The following NKAIN2 variants were observed in gnomAD, a reference collection of about 807,000 sequenced individuals.
NKAIN2 encodes the protein sodium/potassium transporting ATPase interacting 2, also known as sodium/potassium-transporting ATPase subunit beta-1-interacting protein 2.
A neutral mutation model predicts 32.6 loss-of-function variants in NKAIN2; 14 were observed. That is an observed-to-expected ratio of 0.43 (90% CI 0.28 to 0.67). NKAIN2 has a LOEUF of 0.67. NKAIN2 is among the 30% of genes least tolerant of loss of function. The pLI, the probability that NKAIN2 is intolerant of heterozygous loss-of-function variation, is 0.17. For missense variants in NKAIN2, 198 were observed against 258.3 expected, an observed-to-expected ratio of 0.77 and a Z score of 1.60; for synonymous variants, 80 against 87.2, an observed-to-expected ratio of 0.92 and a Z score of 0.46.
intron 2 of NKAIN2, among the ~76,000 whole-genome samples, chr6:124,337,370 G>A (rs939030612): frequency 6.6e-6 from 1 of 152,090 alleles, no homozygotes; most frequent in Non-Finnish European, 1.5e-5. Flanking sequence ...AGCCAGGCAT[G>A]GCTGTACACA....
intron 1 of NKAIN2, among the ~76,000 whole-genome samples, chr6:124,213,550 A>G (rs1298158770): frequency 3.3e-5 from 5 of 152,106 alleles, no homozygotes; most frequent in East Asian, 1.9e-4. Flanking sequence ...AAGAGTTTAG[A>G]TAAGTTATAA....
chr6:124,414,017 G>GT lies in NKAIN2; in HGVS notation c.273+58673dup, dbSNP rs1351908841. On this transcript the variant is annotated intron_variant, in intron 3 of 6. Transcript: ENST00000368417. ...TCTGTTGAACCTGAATACTTTGTTC[G>GT]TTTGTTTTTTTTTTTAATTACATTG... Among the ~76,000 whole-genome samples, 8 of 135,198 alleles carry GT rather than the reference G, an allele frequency of 5.9e-5. No homozygotes were observed. The East Asian group carries it at 6.7e-4, about 11-fold the overall frequency. 88.7% of individuals were successfully genotyped at this position (135,198 alleles called of 152,430 possible). A position where few individuals can be genotyped will look rare whatever the true frequency, so the allele number is the denominator to read the frequency against.
At chr6:124,366,939 A>C (rs1799543152) in intron 3 of NKAIN2, among the ~76,000 whole-genome samples, 1 of 152,072 alleles carries the variant, frequency 6.6e-6, no homozygotes, top group South Asian at 2.1e-4. Context: ...AAAAAAAAAA[A>C]AAAAAGTAAT....
chr6:124,285,185 T>C (rs1795479484), intron 2 of NKAIN2, among the ~76,000 whole-genome samples: 1 of 152,202 alleles, frequency 6.6e-6, no homozygotes, highest in African/African-American at 2.4e-5. Context: ...CCTGAGACAA[T>C]GTCTTTGGAA....
intron 1 of NKAIN2, among the ~76,000 whole-genome samples, chr6:124,217,814 C>T (rs1791564995): frequency 6.6e-6 from 1 of 151,940 alleles, no homozygotes; most frequent in East Asian, 1.9e-4. Flanking sequence ...CACACACACA[C>T]ATATCTATAT....
intron 1 of NKAIN2, among the ~76,000 whole-genome samples, chr6:124,018,583 G>A (rs1408376977): frequency 6.6e-6 from 1 of 151,976 alleles, no homozygotes; most frequent in African/African-American, 2.4e-5. Context: ...TCTAGGGTGG[G>A]GAGAAGAAAT....
rs568847265 is a variant in NKAIN2, at chr6:124,320,751, A to G, written c.193-34516A>G. On this transcript the variant is annotated intron_variant, in intron 2 of 6. Coordinates refer to ENST00000368417, the MANE Select transcript of NKAIN2 (RefSeq NM_001040214.3). ...TAAAATGTTTCATCCATGATATTCA[A>G]TGAATACCTTGAAGTATAATGACTG... is the stretch of plus-strand genomic sequence containing the variant. Among the ~76,000 whole-genome samples the G allele has an allele frequency of 2.0e-4, 30 of 152,352 alleles. No homozygotes were observed. The South Asian group carries it at 5.4e-3, about 27-fold the overall frequency.
chr6:124,206,266 C>T (rs1362813297), intron 1 of NKAIN2, among the ~76,000 whole-genome samples: 1 of 151,750 alleles, frequency 6.6e-6, no homozygotes, highest in Non-Finnish European at 1.5e-5. Context: ...TCTTTTTTAG[C>T]AATCACTGAA....
At chr6:124,437,292 C>T (rs1440541106) in intron 3 of NKAIN2, among the ~76,000 whole-genome samples, 1 of 152,156 alleles carries the variant, frequency 6.6e-6, no homozygotes, top group Admixed American at 6.6e-5. Context: ...TGGCGCCATG[C>T]CTGGCACAGA....
At chr6:124,012,678 A>G (rs1158508620) in intron 1 of NKAIN2, among the ~76,000 whole-genome samples, 1 of 152,042 alleles carries the variant, frequency 6.6e-6, no homozygotes, top group African/African-American at 2.4e-5. Context: ...CTTTTTCTCG[A>G]TGAGTTGTAT....
At chr6:124,511,241 A>T (rs1362530575) in intron 3 of NKAIN2, among the ~76,000 whole-genome samples, 1 of 152,198 alleles carries the variant, frequency 6.6e-6, no homozygotes, top group Non-Finnish European at 1.5e-5. Context: ...TTCAGAGATT[A>T]TAAATGCAGC....
chr6:124,343,229 A>G (rs954755298), intron 2 of NKAIN2, among the ~76,000 whole-genome samples: 1 of 152,040 alleles, frequency 6.6e-6, no homozygotes, highest in African/African-American at 2.4e-5. Flanking sequence ...CCAATCTATC[A>G]TTGTTGGACA....
chr6:124,680,973 A>G (rs921808491), intron 4 of NKAIN2, among the ~76,000 whole-genome samples: 3 of 152,024 alleles, frequency 2.0e-5, no homozygotes, highest in African/African-American at 7.2e-5. Flanking sequence ...ATGCAACTAG[A>G]TAGTAGCATA....
At chr6:124,521,709 T>A (rs1046989779) in intron 3 of NKAIN2, among the ~76,000 whole-genome samples, 1 of 152,210 alleles carries the variant, frequency 6.6e-6, no homozygotes, top group Admixed American at 6.5e-5. Context: ...TTTACTCTTA[T>A]AACCCTGAAA....
chr6:124,734,061 GCACACACACACA>G (rs61526747), intron 4 of NKAIN2, among the ~76,000 whole-genome samples: 9 of 145,228 alleles, frequency 6.2e-5, no homozygotes, highest in Non-Finnish European at 9.1e-5. Flanking sequence ...ATGAGGAAAT[GCACACACACACA>G]CACACACACA....
intron 1 of NKAIN2, among the ~76,000 whole-genome samples, chr6:124,181,644 A>G (rs1789451792): frequency 6.6e-6 from 1 of 152,152 alleles, no homozygotes; most frequent in Non-Finnish European, 1.5e-5. Context: ...ATCTTTCTCA[A>G]GTTCAAAGTT....
chr6:124,501,052 C>T (rs372183421), intron 3 of NKAIN2, among the ~76,000 whole-genome samples: 3 of 152,100 alleles, frequency 2.0e-5, no homozygotes, highest in South Asian at 2.1e-4. Flanking sequence ...AAAAGCAGAG[C>T]GGTGAGGTAA....
At chr6:124,458,194 T>C (rs1158239088) in intron 3 of NKAIN2, among the ~76,000 whole-genome samples, 1 of 151,982 alleles carries the variant, frequency 6.6e-6, no homozygotes, top group Non-Finnish European at 1.5e-5. Flanking sequence ...ATTACAGTTA[T>C]TAAAAAAGCA....
At chr6:123,827,542 A>G (rs976140257) in intron 1 of NKAIN2, among the ~76,000 whole-genome samples, 2 of 152,168 alleles carry the variant, frequency 1.3e-5, no homozygotes, top group South Asian at 4.1e-4. Flanking sequence ...TAATTTGGAT[A>G]TATATGTATT....
Sources: allele counts gnomAD v4.1 joint callset (sites outside exome capture counted in the v4.1 genomes callset), GRCh38; gene constraint gnomAD v4.1.1; transcripts MANE v1.5; gene names NCBI Gene and HGNC (gene_info 2026-07-23, HGNC 2026-07-21).